Variants in RAB9B observed in about 807,000 individuals in gnomAD.
RAB9B encodes the protein ras-related protein Rab-9B.
RAB9B carries 1 observed loss-of-function variant against 8.9 expected under a neutral mutation model. The ratio of observed to expected loss-of-function variants is 0.11; its 90% CI spans 0.04 to 0.53. The LOEUF (loss-of-function observed/expected upper bound fraction) is 0.53. RAB9B is among the 20% of genes least tolerant of loss of function. The pLI, the probability that RAB9B is intolerant of heterozygous loss-of-function variation, is 0.93. For missense variants in RAB9B, 82 were observed against 152.9 expected (o/e 0.54, Z 2.45); for synonymous variants, 63 against 57.0 (o/e 1.10, Z -0.47).
At chrX:103,806,546 A>C in the RAB9B span, among the ~76,000 whole-genome samples, 1 of 111,926 alleles carries the variant, frequency 8.9e-6, no homozygotes, top group Non-Finnish European at 1.9e-5. Flanking sequence ...TTCATTCTGC[A>C]CTGGAGAAGA....
chrX:103,822,033 C>T (rs990243553), downstream of RAB9B, among the ~76,000 whole-genome samples: 2 of 111,710 alleles, frequency 1.8e-5, no homozygotes, highest in African/African-American at 6.5e-5. Flanking sequence ...CATGATTGCG[C>T]CACTGCACTC....
the RAB9B span, chrX:103,789,421 T>G: frequency 6.2e-6 from 7 of 1,133,636 alleles, no homozygotes; most frequent in Admixed American, 1.5e-4. Context: ...TGAATGATCT[T>G]GGCAAGTAAA....
chrX:103,829,305 C>CTG (rs2074694792), intron 1 of RAB9B, among the ~76,000 whole-genome samples: 2 of 112,034 alleles, frequency 1.8e-5, no homozygotes, highest in Non-Finnish European at 3.8e-5. Context: ...TCTTCTGGTC[C>CTG]AATCTTGCTA....
chrX:103,806,501 G>C, the RAB9B span, among the ~76,000 whole-genome samples: 1 of 111,407 alleles, frequency 9.0e-6, no homozygotes, highest in Non-Finnish European at 1.9e-5. Flanking sequence ...TGAGACTTTT[G>C]TTATGGCTTA....
chrX:103,794,730 C>T, the RAB9B span, among the ~76,000 whole-genome samples: 6 of 112,060 alleles, frequency 5.4e-5, no homozygotes, highest in Non-Finnish European at 7.5e-5. Flanking sequence ...ATTATATTTA[C>T]GAAATCAATA....
the RAB9B span, chrX:103,786,919 G>A: frequency 1.1e-5 from 5 of 459,953 alleles, no homozygotes; most frequent in African/African-American, 1.2e-4. Context: ...ACCTTTCAAA[G>A]GTTCCCTAAG....
At chrX:103,777,952 G>C in the RAB9B span, among the ~76,000 whole-genome samples, 1 of 112,546 alleles carries the variant, frequency 8.9e-6, no homozygotes, top group East Asian at 2.8e-4. Flanking sequence ...GCATCCAGTA[G>C]ACAACATCCA....
At chrX:103,776,957 T>C in the RAB9B span, 1 of 1,195,637 alleles carries the variant, frequency 8.4e-7, no homozygotes, top group Non-Finnish European at 1.1e-6. Context: ...CAAAGCAGAC[T>C]AGCCAGCCGG....
chrX:103,787,780 C>T, the RAB9B span: 1 of 1,197,284 alleles, frequency 8.4e-7, no homozygotes, highest in Middle Eastern at 2.6e-4. Flanking sequence ...TCTAACCACC[C>T]CATGTCAATC....
downstream of RAB9B, among the ~76,000 whole-genome samples, chrX:103,821,828 A>G (rs1214779682): frequency 8.9e-6 from 1 of 111,878 alleles, no homozygotes; most frequent in Non-Finnish European, 1.9e-5. Context: ...CAGTTTTGTT[A>G]TATGGGTATA....
At chrX:103,820,298 AT>A (rs1368221186), downstream of RAB9B, among the ~76,000 whole-genome samples, 2 of 112,290 alleles carry the variant, frequency 1.8e-5, no homozygotes, top group African/African-American at 3.2e-5. Flanking sequence ...TAAATTTTAC[AT>A]TTCCACAGCA....
At chrX:103,789,015 G>A in the RAB9B span, 1 of 355,420 alleles carries the variant, frequency 2.8e-6, no homozygotes, top group Non-Finnish European at 5.0e-6. Context: ...GAGACAGGCA[G>A]TAAATTATTT....
chrX:103,809,688 C>T, the RAB9B span, among the ~76,000 whole-genome samples: 1 of 112,144 alleles, frequency 8.9e-6, no homozygotes, highest in South Asian at 3.7e-4. Flanking sequence ...AGAAACCTTG[C>T]CACCAGAGCA....
At chrX:103,784,854 A>G in the RAB9B span, among the ~76,000 whole-genome samples, 1 of 111,920 alleles carries the variant, frequency 8.9e-6, no homozygotes, top group Admixed American at 9.4e-5. Flanking sequence ...CTCTCTTCAT[A>G]TCCCGTATAA....
At position 103,823,162 on chromosome X, in the gene RAB9B, T is replaced by A. The variant is rs779805770; in HGVS notation, c.*2017A>T. ...GCCCCAGGTCTCATGCACTTAAAAA[T>A]AATTAGCATTTAACAGTTCTGACGT... On this transcript the variant is annotated 3_prime_UTR_variant, in exon 3 of 3. Transcript: ENST00000243298. 15 of 111,359 alleles carry A rather than the reference T, an allele frequency of 1.3e-4. No homozygotes were observed. Among genetic ancestry groups the A allele is most frequent in the African/African-American group, 4.9e-4 (15 of 30,642 alleles). 9.2% of individuals were successfully genotyped at this position (111,359 alleles called of 1,213,427 possible). A position where few individuals can be genotyped will look rare whatever the true frequency, so the allele number is the denominator to read the frequency against.
the RAB9B span, among the ~76,000 whole-genome samples, chrX:103,782,307 T>C: frequency 8.4e-3 from 943 of 112,404 alleles, 10 homozygotes; most frequent in African/African-American, 0.029. Context: ...CATTAGAAAC[T>C]CATTAAAGCC....
At chrX:103,831,381 C>A (rs889970440) in intron 1 of RAB9B, among the ~76,000 whole-genome samples, 2 of 106,067 alleles carry the variant, frequency 1.9e-5, no homozygotes, top group Non-Finnish European at 3.9e-5. Flanking sequence ...AGCTGTCATG[C>A]CACTGAAACG....
At chrX:103,830,452 T>C (rs1198593128) in intron 1 of RAB9B, among the ~76,000 whole-genome samples, 3 of 111,909 alleles carry the variant, frequency 2.7e-5, no homozygotes, top group African/African-American at 9.8e-5. Context: ...ATGGGTCCTC[T>C]GTCGGGCGAG....
At chrX:103,819,589 C>A (rs949765440), downstream of RAB9B, among the ~76,000 whole-genome samples, 1 of 111,286 alleles carries the variant, frequency 9.0e-6, no homozygotes, top group Non-Finnish European at 1.9e-5. Flanking sequence ...AAAAAAAAAC[C>A]CTTTCACACA....
Sources: gnomAD v4.1 joint callset for allele counts (sites outside exome capture counted in the v4.1 genomes callset) on GRCh38, gnomAD v4.1.1 for gene constraint, MANE v1.5 for transcripts, NCBI Gene and HGNC (gene_info 2026-07-23, HGNC 2026-07-21) for gene names.